Variants in LDLRAP1 observed in about 807,000 individuals in gnomAD.
LDLRAP1 encodes the protein low density lipoprotein receptor adapter protein 1.
In LDLRAP1, 30 loss-of-function variants were observed where a neutral mutation model predicts 37.8. That is an observed-to-expected ratio of 0.79 (90% CI 0.59 to 1.08). The LOEUF (loss-of-function observed/expected upper bound fraction) is 1.08. Among genes scored for constraint, LDLRAP1 ranks in the 50% least tolerant of loss-of-function variants. The probability of loss-of-function intolerance (pLI) is 0.00; values close to 1 mark genes in which losing one functional copy is unlikely to be tolerated. For synonymous variants in LDLRAP1, 156 were observed against 169.8 expected (o/e 0.92, Z 0.63); for missense variants, 375 against 401.6 (o/e 0.93, Z 0.57).
At position 25,554,533 on chromosome 1, in the gene LDLRAP1, G is replaced by A. The variant is rs1297115506; in HGVS notation, c.232-327G>A. 1.3e-5 allele frequency among the ~76,000 whole-genome samples: 2 copies of A among 152,230 alleles called. No individual in the cohort carries two copies. The highest frequency in any genetic ancestry group is 4.8e-5 in the African/African-American group (2 of 41,468). ...GAGTACTCAGGAGTCATCCTGCTGG[G>A]TTGTGCTAGCTCATTCAGTGCCGAG... On this transcript the variant is annotated intron_variant, in intron 2 of 8. Coordinates refer to ENST00000374338, the MANE Select transcript of LDLRAP1 (RefSeq NM_015627.3). This position sits in a 1 kb window ranked among gnomAD's most constrained non-coding sequence, Gnocchi z 5.4.
intron 8 of LDLRAP1, among the ~76,000 whole-genome samples, chr1:25,565,635 G>A (rs548798541): frequency 4.6e-5 from 7 of 152,196 alleles, no homozygotes; most frequent in East Asian, 1.9e-4. Flanking sequence ...CTCGTGAAGC[G>A]TTCCATAGCA....
downstream of LDLRAP1, among the ~76,000 whole-genome samples, chr1:25,570,784 A>T (rs1347386964): frequency 1.3e-5 from 2 of 152,108 alleles, no homozygotes; most frequent in Non-Finnish European, 2.9e-5. Context: ...GCATGAACCC[A>T]GGAGGTGGAG....
the LDLRAP1 span, among the ~76,000 whole-genome samples, chr1:25,575,814 G>A: frequency 6.6e-6 from 1 of 152,172 alleles, no homozygotes; most frequent in Non-Finnish European, 1.5e-5. Flanking sequence ...TCTGGAATGG[G>A]TACAGGCCCC....
chr1:25,578,383 T>C, the LDLRAP1 span, among the ~76,000 whole-genome samples: 8 of 152,228 alleles, frequency 5.3e-5, no homozygotes, highest in South Asian at 2.1e-4. Context: ...GGAGGTTCGG[T>C]AGTGCAAAAT....
At chr1:25,560,488 G>C (rs1416649018) in intron 4 of LDLRAP1, among the ~76,000 whole-genome samples, 1 of 152,158 alleles carries the variant, frequency 6.6e-6, no homozygotes, top group Non-Finnish European at 1.5e-5. Context: ...GCCCAACCGG[G>C]AGGCCTCTGG....
At chr1:25,564,143 G>A in intron 7 of LDLRAP1, 2 of 363,636 alleles carry the variant, frequency 5.5e-6, no homozygotes, top group Non-Finnish European at 1.1e-5. Context: ...CCTGAATGAG[G>A]ACCCAGAGAC....
rs902991153 is a variant in LDLRAP1 at position 25,554,516 on chromosome 1, A to G, written c.232-344A>G. Reference sequence around the variant, plus strand: ...GCTCAATGGATGGAGCAGAGTACTCAGGAGTCATCCTGCTGGGTTGTGCTA... The same window carrying G: ...GCTCAATGGATGGAGCAGAGTACTCGGGAGTCATCCTGCTGGGTTGTGCTA... On this transcript the variant is annotated intron_variant, in intron 2 of 8. Coordinates refer to ENST00000374338, the MANE Select transcript of LDLRAP1 (RefSeq NM_015627.3). This position sits in a 1 kb window ranked among gnomAD's most constrained non-coding sequence, Gnocchi z 5.4. 6.6e-6 allele frequency among the ~76,000 whole-genome samples: 1 copy of G among 152,208 alleles called. No homozygotes were observed. Among genetic ancestry groups the G allele is most frequent in the Non-Finnish European group, 1.5e-5 (1 of 68,032 alleles).
At chr1:25,543,846 C>T in intron 1 of LDLRAP1, 60 bp downstream of exon 1, 2 of 1,102,362 alleles carry the variant, frequency 1.8e-6, no homozygotes, top group Non-Finnish European at 2.3e-6. Flanking sequence ...GCGGGGCCTC[C>T]GCGGGCGCCC....
chr1:25,556,690 AT>A (rs2044208564), intron 3 of LDLRAP1, among the ~76,000 whole-genome samples: 1 of 152,212 alleles, frequency 6.6e-6, no homozygotes, highest in Admixed American at 6.5e-5. Flanking sequence ...CATGGCAGTC[AT>A]GGCCTCTGGA....
chr1:25,568,820 T>A lies in LDLRAP1; in HGVS notation c.*1828T>A, dbSNP rs993476062. The A allele has an allele frequency of 6.6e-6, 1 of 152,282 alleles. No individual in the cohort carries two copies. The highest frequency in any genetic ancestry group is 6.5e-5 in the Admixed American group (1 of 15,288). 9.4% of individuals were successfully genotyped at this position (152,282 alleles called of 1,614,324 possible). On this transcript the variant is annotated 3_prime_UTR_variant, in exon 9 of 9. Transcript: ENST00000374338. ...CTGTGTGTCTGCAGACAAGTCTTGC[T>A]GTGCTTTATTTGTGAAACTTTAATG...
intron 4 of LDLRAP1, 125 bp from the exon 5 acceptor site, chr1:25,562,519 T>TGGAGCTGCA (rs1435807668): frequency 2.6e-6 from 2 of 779,152 alleles, no homozygotes; most frequent in South Asian, 1.5e-5. Flanking sequence ...GAGCCTGGGA[T>TGGAGCTGCA]GGAGCTGCAG....
chr1:25,562,685 C>T lies in LDLRAP1; in HGVS notation c.501C>T (p.Val167=), dbSNP rs758683179. ...VTLTVAQAFK[V]AFEFWQVSKE... is the part of the protein sequence containing the mutation. ...TCACCGTAGCCCAGGCCTTCAAAGT[C>T]GCCTTTGAGTTTTGGCAGGTGTCCA... is the stretch of plus-strand genomic sequence containing the variant. The change falls in exon 5 of 9, where the codon GTC becomes GTT. Residue 167 remains valine (V), a synonymous_variant. Coordinates refer to ENST00000374338, the MANE Select transcript of LDLRAP1 (RefSeq NM_015627.3). The T allele has an allele frequency of 8.7e-6, 14 of 1,614,172 alleles. No individual in the cohort carries two copies. Among genetic ancestry groups the T allele is most frequent in the East Asian group, 4.5e-5 (2 of 44,880 alleles).
chr1:25,582,334 C>T, the LDLRAP1 span, among the ~76,000 whole-genome samples: 1 of 152,218 alleles, frequency 6.6e-6, no homozygotes, highest in East Asian at 1.9e-4. Flanking sequence ...CGCCTGTAAT[C>T]CCAGCACTTT....
downstream of LDLRAP1, among the ~76,000 whole-genome samples, chr1:25,570,369 G>A (rs952005510): frequency 4.6e-5 from 7 of 152,304 alleles, no homozygotes; most frequent in Middle Eastern, 3.4e-3. Flanking sequence ...CAGATTTGAC[G>A]TGACTTTCAG....
the LDLRAP1 span, among the ~76,000 whole-genome samples, chr1:25,576,077 A>T: frequency 6.6e-6 from 1 of 151,832 alleles, no homozygotes; most frequent in African/African-American, 2.4e-5. Flanking sequence ...AAAAAAAAAA[A>T]AAAAATTAGC....
rs2044499888 is a variant in LDLRAP1, at chr1:25,566,954, A to G, written c.889A>G (p.Ser297Gly). ...GCCTGTCGACTGGGACAAGCCTGAC[A>G]GCAGCGGCACAGAGCAGGATGACCT... ...LSPVDWDKPD[S>G]SGTEQDDLFS... Residue 297 changes from serine (S) to glycine (G), a missense_variant, in exon 9 of 9, where the codon AGC becomes GGC. Coordinates refer to ENST00000374338, the MANE Select transcript of LDLRAP1 (RefSeq NM_015627.3). 3 of 1,613,558 alleles carry G rather than the reference A, an allele frequency of 1.9e-6. No individual in the cohort carries two copies. Among genetic ancestry groups the G allele is most frequent in the Middle Eastern group, 1.7e-4 (1 of 6,060 alleles).
In LDLRAP1 at chr1:25,554,823, G is replaced by A. The variant is rs1450647360; in HGVS notation, c.232-37G>A. Reference sequence around the variant, plus strand: ...AGCCATGAGGGTGGGTCTCAAGTGAGGCTGGCAGACTCCTCTGACTCCTGT... The same window carrying A: ...AGCCATGAGGGTGGGTCTCAAGTGAAGCTGGCAGACTCCTCTGACTCCTGT... On this transcript the variant is annotated intron_variant, in intron 2 of 8. Coordinates refer to ENST00000374338, the MANE Select transcript of LDLRAP1 (RefSeq NM_015627.3). This position sits in a 1 kb window ranked among gnomAD's most constrained non-coding sequence, Gnocchi z 5.4. The A allele has an allele frequency of 6.5e-7, 1 of 1,546,546 alleles. No homozygotes were observed. Among genetic ancestry groups the A allele is most frequent in the Non-Finnish European group, 8.9e-7 (1 of 1,121,616 alleles).
At chr1:25,585,079 G>A in the LDLRAP1 span, among the ~76,000 whole-genome samples, 1 of 152,188 alleles carries the variant, frequency 6.6e-6, no homozygotes, top group Non-Finnish European at 1.5e-5. Context: ...GAAGACCGGT[G>A]GGTGTGGGGT....
chr1:25,586,489 C>CATGTGTGT, the LDLRAP1 span, among the ~76,000 whole-genome samples: 1 of 151,596 alleles, frequency 6.6e-6, no homozygotes, highest in East Asian at 1.9e-4. This position sits in a 1 kb window ranked among gnomAD's most constrained non-coding sequence, Gnocchi z 4.3. Flanking sequence ...CGTGCGTGTG[C>CATGTGTGT]GTGTGTGTGT....
Sources: allele counts gnomAD v4.1 joint callset (sites outside exome capture counted in the v4.1 genomes callset), GRCh38; gene constraint gnomAD v4.1.1; non-coding constraint Gnocchi (gnomAD v3.1); transcripts MANE v1.5; gene names NCBI Gene and HGNC (gene_info 2026-07-23, HGNC 2026-07-21).